Variants in NAALADL2 observed in about 807,000 individuals in gnomAD.
NAALADL2 encodes the protein N-acetylated alpha-linked acidic dipeptidase like 2, also known as inactive N-acetylated-alpha-linked acidic dipeptidase-like protein 2.
In NAALADL2, 76 loss-of-function variants were observed where a neutral mutation model predicts 87.2. The ratio of observed to expected loss-of-function variants is 0.87; its 90% CI spans 0.72 to 1.05. The LOEUF (loss-of-function observed/expected upper bound fraction) is 1.05, where lower values mean the gene tolerates loss of function less well. Among genes scored for constraint, NAALADL2 ranks in the 50% least tolerant of loss-of-function variants. NAALADL2 has a pLI of 0.00. For missense variants in NAALADL2, 1,089 were observed against 945.8 expected, an observed-to-expected ratio of 1.15 and a Z score of -1.99; for synonymous variants, 354 against 331.0, an observed-to-expected ratio of 1.07 and a Z score of -0.75.
At position 175,760,925 on chromosome 3, in the gene NAALADL2, A is replaced by C. The variant is rs1410744450; in HGVS notation, c.2189+5507A>C. On this transcript the variant is annotated intron_variant, in intron 13 of 13. Coordinates refer to ENST00000454872, the MANE Select transcript of NAALADL2 (RefSeq NM_207015.3). ...CTTAGAAAATAATTGAGCAGAAAGT[A>C]CGGAATTCTCATATGATTCCTCAGC... is the stretch of plus-strand genomic sequence containing the variant. Among the ~76,000 whole-genome samples, 3 of 152,204 alleles carry C rather than the reference A, an allele frequency of 2.0e-5. No individual in the cohort carries two copies. In the East Asian group the frequency reaches 5.8e-4, roughly 29 times the overall value.
intron 1 of NAALADL2, among the ~76,000 whole-genome samples, chr3:175,045,996 T>C (rs1754620978): frequency 6.7e-6 from 1 of 149,608 alleles, no homozygotes; most frequent in Non-Finnish European, 1.5e-5. Context: ...TAACCGTTAA[T>C]ATGTCTAGAC....
intron 13 of NAALADL2, among the ~76,000 whole-genome samples, chr3:175,763,884 G>T (rs928692363): frequency 6.6e-6 from 1 of 151,942 alleles, no homozygotes; most frequent in Admixed American, 6.6e-5. Context: ...AGGTTTATAG[G>T]GAAATTTTAC....
chr3:175,781,642 T>C (rs1291227023), intron 13 of NAALADL2, among the ~76,000 whole-genome samples: 4 of 149,782 alleles, frequency 2.7e-5, no homozygotes, highest in African/African-American at 1.0e-4. Context: ...TTTGTTTGTA[T>C]TTTCATTTTT....
intron 1 of NAALADL2, among the ~76,000 whole-genome samples, chr3:174,450,869 C>CA (rs761513802): frequency 0.11 from 8,317 of 74,512 alleles, 646 homozygotes; most frequent in Non-Finnish European, 0.16. Context: ...GACTCTGTCT[C>CA]AAAAAAAAAA....
chr3:174,605,225 C>T (rs1263264660), intron 2 of NAALADL2, among the ~76,000 whole-genome samples: 1 of 152,212 alleles, frequency 6.6e-6, no homozygotes, highest in Non-Finnish European at 1.5e-5. Flanking sequence ...CTACAGCTCC[C>T]AGCGTGAGCA....
At chr3:174,584,979 G>A (rs1716546230) in intron 2 of NAALADL2, among the ~76,000 whole-genome samples, 1 of 152,044 alleles carries the variant, frequency 6.6e-6, no homozygotes, top group African/African-American at 2.4e-5. Context: ...ACATGATAAT[G>A]TATATTTAGT....
chr3:174,967,703 T>C (rs189013183), intron 1 of NAALADL2, among the ~76,000 whole-genome samples: 4 of 152,306 alleles, frequency 2.6e-5, no homozygotes, highest in South Asian at 2.1e-4. Context: ...TACCATGTGA[T>C]TGAGGCGACC....
At chr3:175,790,411 A>G (rs1028527062) in intron 13 of NAALADL2, among the ~76,000 whole-genome samples, 27 of 152,244 alleles carry the variant, frequency 1.8e-4, no homozygotes, top group African/African-American at 5.8e-4. Context: ...TAGAATAAAC[A>G]TTCTTTTATG....
In NAALADL2 at chr3:175,807,557, C is replaced by T. The variant is rs1037613464; in HGVS notation, c.*4354C>T. On this transcript the variant is annotated 3_prime_UTR_variant, in exon 14 of 14. Coordinates refer to ENST00000454872, the MANE Select transcript of NAALADL2 (RefSeq NM_207015.3). ...GGGCTATTTAAATGTGCCTTAGCCA[C>T]ACATTTGCTTAATAGAAAGGAATTA... 6.6e-6 allele frequency: 1 copy of T among 151,854 alleles called. No individual in the cohort carries two copies. The highest frequency in any genetic ancestry group is 1.5e-5 in the Non-Finnish European group (1 of 67,892). The allele number at this position is 151,854 out of a possible 1,614,324, so 9.4% of individuals were successfully genotyped here.
intron 2 of NAALADL2, among the ~76,000 whole-genome samples, chr3:174,587,557 A>T (rs896476811): frequency 1.3e-5 from 2 of 152,116 alleles, no homozygotes; most frequent in African/African-American, 4.8e-5. Flanking sequence ...AGGAGCTCTC[A>T]TAAGGCCTGT....
intron 11 of NAALADL2, among the ~76,000 whole-genome samples, chr3:175,732,196 C>T (rs1303221684): frequency 6.6e-6 from 1 of 151,996 alleles, no homozygotes; most frequent in African/African-American, 2.4e-5. Flanking sequence ...TGAAGGTTTG[C>T]TGAAAATGAA....
At chr3:175,016,868 T>G (rs547998188) in intron 1 of NAALADL2, among the ~76,000 whole-genome samples, 1 of 152,184 alleles carries the variant, frequency 6.6e-6, no homozygotes, top group South Asian at 2.1e-4. Context: ...TAATAATCAA[T>G]TCAGGGTGAT....
At chr3:174,625,152 A>G (rs1172931692) in intron 2 of NAALADL2, among the ~76,000 whole-genome samples, 1 of 144,424 alleles carries the variant, frequency 6.9e-6, no homozygotes, top group Non-Finnish European at 1.5e-5. Context: ...TCAGCCTCCT[A>G]GGCTCAAGTG....
At chr3:174,841,045 A>C (rs1472914304) in intron 3 of NAALADL2, among the ~76,000 whole-genome samples, 1 of 149,322 alleles carries the variant, frequency 6.7e-6, no homozygotes, top group Non-Finnish European at 1.5e-5. Context: ...TATTAAAAAA[A>C]AAGAAGAAGA....
At chr3:174,738,385 T>C (rs944136098) in intron 3 of NAALADL2, among the ~76,000 whole-genome samples, 2 of 152,146 alleles carry the variant, frequency 1.3e-5, no homozygotes, top group Non-Finnish European at 2.9e-5. Context: ...CATAGACAAA[T>C]CTTTTAACTC....
chr3:175,380,537 C>G (rs1420482865), intron 5 of NAALADL2, among the ~76,000 whole-genome samples: 1 of 152,074 alleles, frequency 6.6e-6, no homozygotes, highest in African/African-American at 2.4e-5. Flanking sequence ...AAAATACCTA[C>G]AACATCCTTT....
chr3:174,597,677 C>T (rs1718049163), intron 2 of NAALADL2, among the ~76,000 whole-genome samples: 1 of 152,156 alleles, frequency 6.6e-6, no homozygotes, highest in Non-Finnish European at 1.5e-5. Context: ...CTTTGCAGTG[C>T]ATCTTTCCTA....
intron 9 of NAALADL2, among the ~76,000 whole-genome samples, chr3:175,572,415 A>T (rs1429094549): frequency 6.6e-6 from 1 of 152,094 alleles, no homozygotes; most frequent in Non-Finnish European, 1.5e-5. Flanking sequence ...TTACCAAAAA[A>T]AAAAAAAAAA....
intron 1 of NAALADL2, among the ~76,000 whole-genome samples, chr3:175,013,858 T>A (rs1293952245): frequency 6.6e-6 from 1 of 152,086 alleles, no homozygotes; most frequent in Non-Finnish European, 1.5e-5. Context: ...TAAGTTTTGA[T>A]TGGTCCTCAG....
Sources: gnomAD v4.1 joint callset for allele counts (sites outside exome capture counted in the v4.1 genomes callset) on GRCh38, gnomAD v4.1.1 for gene constraint, MANE v1.5 for transcripts, NCBI Gene and HGNC (gene_info 2026-07-23, HGNC 2026-07-21) for gene names.